EML4: variants seen among roughly 807,000 people sequenced by gnomAD.
EML4 encodes the protein echinoderm microtubule-associated protein-like 4.
Under a neutral mutation model 129.0 loss-of-function variants are expected in EML4, and 72 were observed. That is an observed-to-expected ratio of 0.56 (90% CI 0.46 to 0.68). The LOEUF is 0.68. EML4 is among the 30% of genes least tolerant of loss of function. The pLI is 0.00. For missense variants in EML4, 1,363 were observed against 1,190.6 expected (o/e 1.14, Z -2.13); for synonymous variants, 532 against 405.0 (o/e 1.31, Z -3.77).
intron 1 of EML4, among the ~76,000 whole-genome samples, chr2:42,176,475 G>C (rs1670610930): frequency 6.6e-6 from 1 of 152,080 alleles, no homozygotes; most frequent in South Asian, 2.1e-4. Context: ...ATCTTCTCAA[G>C]TCCTCTGTCA....
At chr2:42,325,311 G>C (rs1572762511) in intron 19 of EML4, 156 bp from the exon 20 acceptor site, 1 of 632,826 alleles carries the variant, frequency 1.6e-6, no homozygotes, top group East Asian at 3.4e-5. Flanking sequence ...CTGAGGATTT[G>C]CTGTGAGCCT....
At chr2:42,306,680 T>C (rs1386806348) in intron 17 of EML4, among the ~76,000 whole-genome samples, 1 of 151,042 alleles carries the variant, frequency 6.6e-6, no homozygotes, top group Non-Finnish European at 1.5e-5. Flanking sequence ...TTTTTTGTAT[T>C]TTTAGTAGAG....
chr2:42,201,090 A>G (rs575927842), intron 1 of EML4, among the ~76,000 whole-genome samples: 3 of 152,212 alleles, frequency 2.0e-5, no homozygotes, highest in Admixed American at 6.5e-5. Flanking sequence ...CCATCAATCA[A>G]GTCGAATTTC....
At chr2:42,207,040 A>T (rs1383383903) in intron 1 of EML4, among the ~76,000 whole-genome samples, 1 of 152,224 alleles carries the variant, frequency 6.6e-6, no homozygotes, top group Non-Finnish European at 1.5e-5. Flanking sequence ...GAGACAATGC[A>T]GCTGTCACTG....
chr2:42,295,930 C>G (rs1042552749), intron 13 of EML4, among the ~76,000 whole-genome samples: 2 of 152,070 alleles, frequency 1.3e-5, no homozygotes, highest in Non-Finnish European at 2.9e-5. Context: ...TTTTTCTTTT[C>G]CTCACTGCAG....
intron 1 of EML4, among the ~76,000 whole-genome samples, chr2:42,228,397 AT>A (rs1674114207): frequency 6.6e-6 from 1 of 152,126 alleles, no homozygotes; most frequent in Non-Finnish European, 1.5e-5. Context: ...CTTGTGGTTG[AT>A]TGATAGATTT....
rs146321549 is a variant in EML4 at position 42,228,428 on chromosome 2, C to T, written c.26-17077C>T. ...AGATTTCCTCTGGGTCTTTCTCTGCCTTCTTTTTTATTTGAAATAGGCTAA... is the reference window on the plus strand; with the variant it reads ...AGATTTCCTCTGGGTCTTTCTCTGCTTTCTTTTTTATTTGAAATAGGCTAA... On this transcript the variant is annotated intron_variant, in intron 1 of 22. Coordinates refer to ENST00000318522, the MANE Select transcript of EML4 (RefSeq NM_019063.5). Among the ~76,000 whole-genome samples the T allele has an allele frequency of 2.4e-3, 362 of 152,162 alleles. 1 individual carries two copies. The highest frequency in any genetic ancestry group is 7.5e-3 in the African/African-American group (311 of 41,500).
At chr2:42,281,991 C>G (rs1392166905) in intron 7 of EML4, among the ~76,000 whole-genome samples, 1 of 152,202 alleles carries the variant, frequency 6.6e-6, no homozygotes, top group Non-Finnish European at 1.5e-5. Context: ...ATTCTGCCTA[C>G]CAAACTGTTC....
chr2:42,264,381 G>C (rs953428999), intron 5 of EML4, among the ~76,000 whole-genome samples: 1 of 152,050 alleles, frequency 6.6e-6, no homozygotes, highest in Non-Finnish European at 1.5e-5. Flanking sequence ...GCCTCCCAAA[G>C]TGCTAGGATT....
chr2:42,208,635 A>G (rs1271201334), intron 1 of EML4, among the ~76,000 whole-genome samples: 2 of 151,892 alleles, frequency 1.3e-5, no homozygotes, highest in Admixed American at 6.6e-5. Flanking sequence ...GGGTTTCACC[A>G]TCTTGGCCAG....
At position 42,245,596 on chromosome 2, in the gene EML4, T is replaced by G. The variant is rs1004764543; in HGVS notation, c.117T>G (p.Thr39=). The change falls in exon 2 of 23, where the codon ACT becomes ACG. Residue 39 remains threonine, a synonymous_variant. Transcript: ENST00000318522. ...SRVQQQEDEI[T]VLKAALADVL... ...TTCAGCAACAAGAAGATGAAATCAC[T>G]GTGCTAAAGGCGGCTTTGGCTGATG... 1 of 1,613,834 alleles carries G rather than the reference T, an allele frequency of 6.2e-7. No homozygotes were observed.
intron 6 of EML4, among the ~76,000 whole-genome samples, chr2:42,271,357 C>T (rs1381871580): frequency 1.3e-5 from 2 of 152,154 alleles, no homozygotes; most frequent in African/African-American, 2.4e-5. Context: ...CCGCTGGTCT[C>T]GCCATCTGTA....
At chr2:42,237,906 T>A (rs969595567) in intron 1 of EML4, among the ~76,000 whole-genome samples, 8 of 152,294 alleles carry the variant, frequency 5.3e-5, no homozygotes, top group African/African-American at 1.7e-4. Context: ...TAAGTATGAA[T>A]AAGTTTTAAA....
chr2:42,282,735 C>T lies in EML4; in HGVS notation c.792-88C>T, dbSNP rs1386223422. 6.9e-6 allele frequency: 8 copies of T among 1,163,400 alleles called. No homozygotes were observed. In the Admixed American group the frequency reaches 1.4e-4, roughly 20 times the overall value. 72.1% of individuals were successfully genotyped at this position (1,163,400 alleles called of 1,614,324 possible). ...TTCTAGTTCAGTCTTCTTCATTGTACCTTCCTAATTCCTTAAGTATCCATG... is the reference window on the plus strand; with the variant it reads ...TTCTAGTTCAGTCTTCTTCATTGTATCTTCCTAATTCCTTAAGTATCCATG... On this transcript the variant is annotated intron_variant, in intron 7 of 22. Coordinates refer to ENST00000318522, the MANE Select transcript of EML4 (RefSeq NM_019063.5).
intron 3 of EML4, among the ~76,000 whole-genome samples, chr2:42,257,103 C>G: frequency 6.6e-6 from 1 of 151,842 alleles, no homozygotes; most frequent in Non-Finnish European, 1.5e-5. Flanking sequence ...ATAGTACTAT[C>G]TGGGGTGTGT....
intron 7 of EML4, 95 bp from the exon 8 acceptor site, chr2:42,282,728 C>T (rs1667079473): frequency 9.0e-7 from 1 of 1,112,116 alleles, no homozygotes; most frequent in South Asian, 1.3e-5. Flanking sequence ...CAGTCTTCTT[C>T]ATTGTACCTT....
chr2:42,224,408 C>G (rs1010622924), intron 1 of EML4, among the ~76,000 whole-genome samples: 3 of 152,120 alleles, frequency 2.0e-5, no homozygotes, highest in African/African-American at 7.2e-5. Flanking sequence ...GAGTAATATT[C>G]TGTCACATGG....
rs1665433190 is a variant in EML4 at position 42,257,776 on chromosome 2, G to T, written c.338+1146G>T. ...GGCGTGAACCCAGGAGGGGGAGCTT[G>T]CAGTGAGCCACGATTGCGCCACTGT... On this transcript the variant is annotated intron_variant, in intron 3 of 22. Coordinates refer to ENST00000318522, the MANE Select transcript of EML4 (RefSeq NM_019063.5). Among the ~76,000 whole-genome samples, 5 of 151,262 alleles carry T rather than the reference G, an allele frequency of 3.3e-5. No homozygotes were observed. The South Asian group carries it at 1.0e-3, about 31-fold the overall frequency.
At chr2:42,221,029 C>T (rs1673558525) in intron 1 of EML4, among the ~76,000 whole-genome samples, 4 of 152,170 alleles carry the variant, frequency 2.6e-5, no homozygotes, top group Admixed American at 2.6e-4. Flanking sequence ...CATCTCCATA[C>T]ATAAAAGTGC....
Sources: gnomAD v4.1 joint callset for allele counts (sites outside exome capture counted in the v4.1 genomes callset) on GRCh38, gnomAD v4.1.1 for gene constraint, MANE v1.5 for transcripts, NCBI Gene and HGNC (gene_info 2026-07-23, HGNC 2026-07-21) for gene names.